SYN3: variants seen among roughly 807,000 people sequenced by gnomAD.
SYN3 encodes synapsin-3.
Under a neutral mutation model 65.8 loss-of-function variants are expected in SYN3, and 35 were observed. The observed-to-expected ratio is 0.53, with a 90% confidence interval of 0.41 to 0.70. The LOEUF (loss-of-function observed/expected upper bound fraction) is 0.70, where lower values mean the gene tolerates loss of function less well. Ranked by LOEUF, SYN3 falls within the 30% of genes least tolerant of loss-of-function variation. The pLI, the probability that SYN3 is intolerant of heterozygous loss-of-function variation, is 0.00. For missense variants in SYN3, 680 were observed against 749.0 expected (o/e 0.91, Z 1.08); for synonymous variants, 270 against 292.9 (o/e 0.92, Z 0.80).
At chr22:32,563,507 A>C (rs921197497) in intron 7 of SYN3, among the ~76,000 whole-genome samples, 4 of 152,176 alleles carry the variant, frequency 2.6e-5, no homozygotes, top group African/African-American at 4.8e-5. Flanking sequence ...AAATGGAGGG[A>C]AAAGCCAGAG....
intron 1 of SYN3, among the ~76,000 whole-genome samples, chr22:33,051,994 A>G (rs77287840): frequency 0.023 from 3,541 of 152,190 alleles, 151 homozygotes; most frequent in African/African-American, 0.08. Context: ...CACACTCCCT[A>G]GACAGTGTCT....
intron 4 of SYN3, among the ~76,000 whole-genome samples, chr22:32,909,193 T>C (rs572927813): frequency 6.6e-6 from 1 of 152,314 alleles, no homozygotes; most frequent in African/African-American, 2.4e-5. Context: ...GAGATACACC[T>C]GGGTTCATAC....
rs993206030 is a variant in SYN3 at position 32,805,159 on chromosome 22, G to A, written c.711+59756C>T. ...TCCTTCTCTCTTGCCGCCTTTGCAT[G>A]GGAGGAATGGGGCTGTAGGATGAAG... On this transcript the variant is annotated intron_variant, in intron 6 of 13. Transcript: ENST00000358763. Among the ~76,000 whole-genome samples the A allele has an allele frequency of 2.0e-5, 3 of 152,162 alleles. No individual in the cohort carries two copies. The East Asian group carries it at 5.8e-4, about 29-fold the overall frequency.
chr22:32,694,700 A>G (rs565092271), intron 6 of SYN3, among the ~76,000 whole-genome samples: 102 of 152,348 alleles, frequency 6.7e-4, no homozygotes, highest in African/African-American at 2.4e-3. Context: ...TAAAGTATGC[A>G]TGGATTTTGG....
chr22:32,995,785 C>A (rs2052861643), intron 2 of SYN3, among the ~76,000 whole-genome samples: 1 of 152,160 alleles, frequency 6.6e-6, no homozygotes, highest in Admixed American at 6.5e-5. Flanking sequence ...GCCTCAGCCT[C>A]CCAAGTAGCT....
intron 7 of SYN3, among the ~76,000 whole-genome samples, chr22:32,590,835 C>A (rs1034383522): frequency 2.0e-5 from 3 of 152,208 alleles, no homozygotes; most frequent in Admixed American, 2.0e-4. Context: ...GCAACCCAGT[C>A]CTCATCTGAG....
intron 7 of SYN3, among the ~76,000 whole-genome samples, chr22:32,544,450 T>C (rs73172138): frequency 0.07 from 10,609 of 152,260 alleles, 411 homozygotes; most frequent in East Asian, 0.12. Context: ...CCACTTTCTT[T>C]AGGTTTTACT....
intron 6 of SYN3, among the ~76,000 whole-genome samples, chr22:32,657,509 TC>T (rs2060159059): frequency 6.6e-6 from 1 of 152,144 alleles, no homozygotes; most frequent in African/African-American, 2.4e-5. Flanking sequence ...TAGCTGAGAC[TC>T]AGACAGGGGT....
At chr22:32,652,311 C>T (rs1024062547) in intron 6 of SYN3, among the ~76,000 whole-genome samples, 4 of 151,296 alleles carry the variant, frequency 2.6e-5, no homozygotes, top group Non-Finnish European at 4.4e-5. Flanking sequence ...CTTTGTTCCA[C>T]GAGCCATGAC....
intron 3 of SYN3, among the ~76,000 whole-genome samples, chr22:32,956,041 C>CATATATATAAATATATATATATATAT (rs2051443717): frequency 7.7e-6 from 1 of 130,678 alleles, no homozygotes; most frequent in Non-Finnish European, 1.6e-5. Context: ...AATAAATTCA[C>CATATATATAAATATATATATATATAT]ATATATATAT....
intron 4 of SYN3, among the ~76,000 whole-genome samples, chr22:32,883,755 T>C (rs1479166360): frequency 2.0e-5 from 3 of 152,224 alleles, no homozygotes; most frequent in African/African-American, 4.8e-5. Context: ...GAGCATCTAT[T>C]ATGTGAAATG....
chr22:32,907,612 T>C (rs1266575719), intron 4 of SYN3, among the ~76,000 whole-genome samples: 1 of 152,122 alleles, frequency 6.6e-6, no homozygotes, highest in Non-Finnish European at 1.5e-5. Flanking sequence ...AACAATATTT[T>C]AGTGTAATAT....
Position 32,596,669 on chromosome 22 carries a change from C to A in SYN3, c.774+5G>T, listed in dbSNP as rs1406455311. The A allele has an allele frequency of 4.3e-6, 7 of 1,613,930 alleles. No individual in the cohort carries two copies. Among genetic ancestry groups the A allele is most frequent in the Non-Finnish European group, 5.9e-6 (7 of 1,179,924 alleles). Reference sequence around the variant, plus strand: ...CACTGTGAGTGGAAGGGCTGTTTCTCATACCTTTCCCATTCCAGCGTGGGC... The same window carrying A: ...CACTGTGAGTGGAAGGGCTGTTTCTAATACCTTTCCCATTCCAGCGTGGGC... On this transcript the variant is annotated splice_donor_5th_base_variant and intron_variant, in intron 7 of 13. Coordinates refer to ENST00000358763, the MANE Select transcript of SYN3 (RefSeq NM_003490.4).
intron 3 of SYN3, among the ~76,000 whole-genome samples, chr22:32,959,310 C>T (rs2051569647): frequency 6.6e-6 from 1 of 151,990 alleles, no homozygotes; most frequent in Non-Finnish European, 1.5e-5. Context: ...GAGGCTTCCC[C>T]AGCTACATGG....
intron 1 of SYN3, among the ~76,000 whole-genome samples, chr22:33,036,879 C>T (rs1239425669): frequency 6.6e-6 from 1 of 151,812 alleles, no homozygotes; most frequent in Non-Finnish European, 1.5e-5. Context: ...TTAGTAGAGA[C>T]GGGGTTTCTC....
At chr22:33,046,026 G>A (rs927260956) in intron 1 of SYN3, among the ~76,000 whole-genome samples, 1 of 151,724 alleles carries the variant, frequency 6.6e-6, no homozygotes, top group African/African-American at 2.4e-5. Context: ...CAAAAAACGT[G>A]TAATAGACCT....
intron 6 of SYN3, among the ~76,000 whole-genome samples, chr22:32,817,652 AGTTCCTTCCTGTGGTCATGACTT>A (rs2047123058): frequency 6.6e-6 from 1 of 152,204 alleles, no homozygotes; most frequent in Non-Finnish European, 1.5e-5. Context: ...CCAGATTTAA[AGTTCCTTCCTGTGGTCATGACTT>A]GTTTTATAAT....
Position 32,981,933 on chromosome 22 carries a change from C to T in SYN3, c.312-1231G>A, listed in dbSNP as rs1368157066. Among the ~76,000 whole-genome samples the T allele has an allele frequency of 2.0e-5, 3 of 152,258 alleles. No individual in the cohort carries two copies. The East Asian group carries it at 5.8e-4, about 29-fold the overall frequency. The stretch of plus-strand genomic sequence containing the variant: ...ACACATGGTTTATCTTGGTATCCTC[C>T]AACCCTCCAATTTAGTCTTCAGAAA... On this transcript the variant is annotated intron_variant, in intron 2 of 13. Transcript: ENST00000358763.
At chr22:32,948,485 A>C (rs151049916) in intron 3 of SYN3, among the ~76,000 whole-genome samples, 2,323 of 152,104 alleles carry the variant, frequency 0.015, 50 homozygotes, top group African/African-American at 0.053. Context: ...GCCTGTAATC[A>C]CAGCACTTTG....
Sources: allele counts gnomAD v4.1 joint callset (sites outside exome capture counted in the v4.1 genomes callset), GRCh38; gene constraint gnomAD v4.1.1; transcripts MANE v1.5; gene names NCBI Gene and HGNC (gene_info 2026-07-23, HGNC 2026-07-21).